The following GTPBP10 variants were observed in gnomAD, a reference collection of about 807,000 sequenced individuals.
GTPBP10 encodes GTP binding protein 10.
A neutral mutation model predicts 44.8 loss-of-function variants in GTPBP10; 38 were observed. That is an observed-to-expected ratio of 0.85 (90% CI 0.65 to 1.11). The LOEUF is 1.11. Ranked by LOEUF, GTPBP10 falls within the 50% of genes most tolerant of loss-of-function variation. The pLI is 0.00. For synonymous variants in GTPBP10, 152 were observed against 150.6 expected, an observed-to-expected ratio of 1.01 and a Z score of -0.07; for missense variants, 462 against 453.7, an observed-to-expected ratio of 1.02 and a Z score of -0.17.
chr7:90,353,849 C>G lies in GTPBP10; in HGVS notation c.228-609C>G, dbSNP rs574563132. 2.7e-4 allele frequency among the ~76,000 whole-genome samples: 38 copies of G among 139,426 alleles called. 1 individual carries two copies. The East Asian group carries it at 6.6e-3, about 24-fold the overall frequency. The allele number at this position is 139,426 out of a possible 152,430, so 91.5% of individuals were successfully genotyped here. On this transcript the variant is annotated intron_variant, in intron 2 of 9. Coordinates refer to ENST00000222511, the MANE Select transcript of GTPBP10 (RefSeq NM_033107.4). ...TTCATTTTTTCTTTTTTTTTTGAGA[C>G]AGAGTCTCATTCTGTTGCCTAGGTT...
At chr7:90,362,825 T>G (rs174070) in intron 4 of GTPBP10, among the ~76,000 whole-genome samples, 2 of 152,162 alleles carry the variant, frequency 1.3e-5, no homozygotes, top group African/African-American at 2.4e-5. Context: ...TCCTGTATTG[T>G]GTGCATATGT....
intron 2 of GTPBP10, among the ~76,000 whole-genome samples, chr7:90,354,165 C>A (rs182020322): frequency 2.6e-5 from 4 of 152,032 alleles, no homozygotes; most frequent in Admixed American, 1.3e-4. Flanking sequence ...TAGCAATAAT[C>A]TCTTCATTTC....
At chr7:90,361,871 G>A (rs1445440209) in intron 4 of GTPBP10, among the ~76,000 whole-genome samples, 2 of 152,196 alleles carry the variant, frequency 1.3e-5, no homozygotes, top group Non-Finnish European at 2.9e-5. Flanking sequence ...GGGTATATGT[G>A]TCGAGGAATT....
intron 5 of GTPBP10, 138 bp downstream of exon 5, chr7:90,372,366 C>G: frequency 1.7e-6 from 1 of 590,710 alleles, no homozygotes; most frequent in Non-Finnish European, 3.0e-6. Flanking sequence ...TACTGTTGCA[C>G]AGGCCAAAGT....
chr7:90,379,284 C>T (rs1333049812), intron 8 of GTPBP10, among the ~76,000 whole-genome samples: 2 of 152,094 alleles, frequency 1.3e-5, no homozygotes, highest in Non-Finnish European at 2.9e-5. Context: ...CTGGTCCTTT[C>T]CATTCTCCCT....
chr7:90,359,226 A>G (rs1176526690), intron 4 of GTPBP10, among the ~76,000 whole-genome samples: 1 of 151,954 alleles, frequency 6.6e-6, no homozygotes, highest in East Asian at 1.9e-4. Context: ...TACATGCGCC[A>G]TGTCGGTTTG....
intron 4 of GTPBP10, among the ~76,000 whole-genome samples, chr7:90,364,808 C>T (rs1796098352): frequency 6.6e-6 from 1 of 152,202 alleles, no homozygotes; most frequent in African/African-American, 2.4e-5. Flanking sequence ...TTGTTACCTA[C>T]TCAAGCCTCA....
chr7:90,356,806 T>C (rs1484135492), intron 4 of GTPBP10, among the ~76,000 whole-genome samples: 1 of 152,218 alleles, frequency 6.6e-6, no homozygotes, highest in East Asian at 1.9e-4. Flanking sequence ...GTACGTTCAA[T>C]GAATTGTAGC....
intron 4 of GTPBP10, among the ~76,000 whole-genome samples, chr7:90,358,532 T>G (rs1795949911): frequency 6.6e-6 from 1 of 152,126 alleles, no homozygotes; most frequent in Non-Finnish European, 1.5e-5. Context: ...GATACCCTAT[T>G]CAAAAAATGA....
At chr7:90,373,367 T>C (rs1388594060) in intron 5 of GTPBP10, among the ~76,000 whole-genome samples, 1 of 152,154 alleles carries the variant, frequency 6.6e-6, no homozygotes, top group Non-Finnish European at 1.5e-5. Context: ...TAGGCTCTTG[T>C]GGTAGCTAGA....
chr7:90,372,744 A>G (rs762762319), intron 5 of GTPBP10, among the ~76,000 whole-genome samples: 2 of 152,096 alleles, frequency 1.3e-5, no homozygotes, highest in Non-Finnish European at 2.9e-5. Context: ...GGATTTTATG[A>G]ACCACTTACC....
Position 90,378,848 on chromosome 7 carries a change from G to A in GTPBP10, c.777+637G>A, listed in dbSNP as rs1027162448. 9.2e-4 allele frequency among the ~76,000 whole-genome samples: 140 copies of A among 151,980 alleles called. 13 individuals are homozygous for A. The highest frequency in any genetic ancestry group is 2.9e-5 in the Non-Finnish European group (2 of 67,976). On this transcript the variant is annotated intron_variant, in intron 8 of 9. Coordinates refer to ENST00000222511, the MANE Select transcript of GTPBP10 (RefSeq NM_033107.4). ...CTCCCGAGTAGCTGGGATTACAAGCGTGTGCCACCACGCCCGGCTAATTTT... is the reference window on the plus strand; with the variant it reads ...CTCCCGAGTAGCTGGGATTACAAGCATGTGCCACCACGCCCGGCTAATTTT...
chr7:90,362,879 A>G (rs978074509), intron 4 of GTPBP10, among the ~76,000 whole-genome samples: 1 of 152,066 alleles, frequency 6.6e-6, no homozygotes, highest in African/African-American at 2.4e-5. Context: ...TCCCTTTACC[A>G]TTATGTAATG....
At chr7:90,376,580 A>G (rs1021435542) in intron 6 of GTPBP10, among the ~76,000 whole-genome samples, 1 of 152,240 alleles carries the variant, frequency 6.6e-6, no homozygotes, top group African/African-American at 2.4e-5. Flanking sequence ...ATAATGACCT[A>G]CAAAAATGTG....
In GTPBP10 at chr7:90,377,535, T is replaced by C. The variant is rs760974133; in HGVS notation, c.620T>C (p.Ile207Thr). 9.3e-6 allele frequency: 15 copies of C among 1,609,382 alleles called. No individual in the cohort carries two copies. The East Asian group carries it at 3.1e-4, about 34-fold the overall frequency. The change falls in exon 7 of 10, where the codon ATA (isoleucine) becomes ACA (threonine). Residue 207 changes from isoleucine to threonine, a missense_variant. Coordinates refer to ENST00000222511, the MANE Select transcript of GTPBP10 (RefSeq NM_033107.4). ...TCAGTAGCTGATCTTCCGGGTTTAATAGAAGGAGCACATATGAACAAAGGA... is the reference window on the plus strand; with the variant it reads ...TCAGTAGCTGATCTTCCGGGTTTAACAGAAGGAGCACATATGAACAAAGGA... ...QISVADLPGL[I>T]EGAHMNKGMG...
chr7:90,358,012 T>C (rs1795940251), intron 4 of GTPBP10, among the ~76,000 whole-genome samples: 1 of 152,124 alleles, frequency 6.6e-6, no homozygotes, highest in South Asian at 2.1e-4. Flanking sequence ...TTGCCCACCA[T>C]ATGATCTTAT....
rs1008903877 is a variant in GTPBP10 at position 90,367,609 on chromosome 7, C to CT, written c.465-4539dup. The stretch of plus-strand genomic sequence containing the variant: ...CAGAGACTAGGATTGCAACCCCTGC[C>CT]TTTTTTTGTTTTCCATTTGCTTGGT... On this transcript the variant is annotated intron_variant, in intron 4 of 9. Coordinates refer to ENST00000222511, the MANE Select transcript of GTPBP10 (RefSeq NM_033107.4). Among the ~76,000 whole-genome samples the CT allele has an allele frequency of 5.4e-4, 82 of 152,124 alleles. 1 individual carries two copies. The East Asian group carries it at 0.01, about 19-fold the overall frequency.
In GTPBP10 at chr7:90,389,405, C is replaced by A. The variant is rs944092614; in HGVS notation, c.*4251C>A. 2.0e-5 allele frequency: 3 copies of A among 151,064 alleles called. No homozygotes were observed. Among genetic ancestry groups the A allele is most frequent in the African/African-American group, 7.4e-5 (3 of 40,782 alleles). The allele number at this position is 151,064 out of a possible 1,614,324, so 9.4% of individuals were successfully genotyped here. ...AATTTGAATTTTTTTTTTTCCCCCC[C>A]CAGACGGAGTCTCGCTCTCTTGCCA... On this transcript the variant is annotated 3_prime_UTR_variant, in exon 10 of 10. Coordinates refer to ENST00000222511, the MANE Select transcript of GTPBP10 (RefSeq NM_033107.4).
intron 1 of GTPBP10, among the ~76,000 whole-genome samples, chr7:90,350,203 A>G (rs941746962): frequency 4.6e-5 from 7 of 152,164 alleles, no homozygotes; most frequent in African/African-American, 1.4e-4. Flanking sequence ...GTTTGGTCAG[A>G]ATGATGGTTT....
Sources: gnomAD v4.1 joint callset for allele counts (sites outside exome capture counted in the v4.1 genomes callset) on GRCh38, gnomAD v4.1.1 for gene constraint, MANE v1.5 for transcripts, NCBI Gene and HGNC (gene_info 2026-07-23, HGNC 2026-07-21) for gene names.